FAM118B: variants seen among roughly 807,000 people sequenced by gnomAD.
The protein encoded by FAM118B is SIR2 antiphage like 1.
A neutral mutation model predicts 38.5 loss-of-function variants in FAM118B; 24 were observed. The ratio of observed to expected loss-of-function variants is 0.62; its 90% CI spans 0.45 to 0.88. FAM118B has a LOEUF of 0.88. FAM118B is among the 40% of genes least tolerant of loss of function. The probability of loss-of-function intolerance (pLI) is 0.00; values close to 1 mark genes in which losing one functional copy is unlikely to be tolerated. For missense variants in FAM118B, 334 were observed against 420.0 expected (o/e 0.80, Z 1.79); for synonymous variants, 138 against 156.3 (o/e 0.88, Z 0.87).
Position 126,250,394 on chromosome 11 carries a change from A to T in FAM118B, c.340-112A>T. On this transcript the variant is annotated intron_variant, in intron 4 of 8. Coordinates refer to ENST00000533050, the MANE Select transcript of FAM118B (RefSeq NM_024556.4). The surrounding 1 kb of genome is among the most constrained non-coding windows in gnomAD (Gnocchi z 5.1). ...GCGTGAGCCACTGCGCCTGGCCTTT[A>T]TCTCTGTTTTGAATTCAAAATATTC... The T allele has an allele frequency of 1.4e-6, 1 of 722,510 alleles. No individual in the cohort carries two copies. Among genetic ancestry groups the T allele is most frequent in the Non-Finnish European group, 2.3e-6 (1 of 434,424 alleles). The allele number at this position is 722,510 out of a possible 1,614,324, so 44.8% of individuals were successfully genotyped here.
intron 8 of FAM118B, 31 bp downstream of exon 8, chr11:126,261,515 C>T: frequency 6.4e-7 from 1 of 1,569,182 alleles, no homozygotes; most frequent in Non-Finnish European, 8.8e-7. Flanking sequence ...CTATTTATCA[C>T]TCTGTAGCAG....
At chr11:126,214,818 T>C (rs993430469) in intron 1 of FAM118B, among the ~76,000 whole-genome samples, 2 of 152,208 alleles carry the variant, frequency 1.3e-5, no homozygotes, top group African/African-American at 4.8e-5. Context: ...TTTCCTAGTC[T>C]ATTCAGGAAC....
At chr11:126,214,294 A>G (rs952773162) in intron 1 of FAM118B, 1 of 149,980 alleles carries the variant, frequency 6.7e-6, no homozygotes, top group Non-Finnish European at 1.5e-5. Context: ...CGGAGCTTGC[A>G]GTGAGCCGAG....
chr11:126,248,577 G>T (rs529086779), intron 4 of FAM118B, among the ~76,000 whole-genome samples: 48 of 151,810 alleles, frequency 3.2e-4, no homozygotes, highest in Middle Eastern at 6.8e-3. Flanking sequence ...TCACCATGTT[G>T]GCCAGGATGG....
intron 1 of FAM118B, among the ~76,000 whole-genome samples, chr11:126,227,679 A>G (rs1248409911): frequency 6.6e-6 from 1 of 152,172 alleles, no homozygotes; most frequent in African/African-American, 2.4e-5. Context: ...TTTGGATTCC[A>G]TGCTCACAAT....
chr11:126,221,575 A>G (rs973800878), intron 1 of FAM118B, among the ~76,000 whole-genome samples: 5 of 152,108 alleles, frequency 3.3e-5, no homozygotes, highest in South Asian at 4.1e-4. Context: ...TGAAACTTAC[A>G]TGGCTATCTC....
intron 1 of FAM118B, among the ~76,000 whole-genome samples, chr11:126,215,058 G>A (rs1949961024): frequency 6.6e-6 from 1 of 152,186 alleles, no homozygotes; most frequent in South Asian, 2.1e-4. Context: ...GCAATTAGCA[G>A]GAACTCTTGG....
At chr11:126,259,015 G>A (rs1565341806) in intron 7 of FAM118B, among the ~76,000 whole-genome samples, 1 of 152,196 alleles carries the variant, frequency 6.6e-6, no homozygotes, top group Non-Finnish European at 1.5e-5. Flanking sequence ...CCATCATTAA[G>A]GTGTTCTGTA....
chr11:126,249,678 G>A (rs1950469490), intron 4 of FAM118B, among the ~76,000 whole-genome samples: 1 of 137,564 alleles, frequency 7.3e-6, no homozygotes, highest in Non-Finnish European at 1.5e-5. Context: ...GTTGCAGTGA[G>A]CCGAGATCAC....
chr11:126,246,111 A>T (rs181696981), intron 4 of FAM118B, among the ~76,000 whole-genome samples: 1 of 152,286 alleles, frequency 6.6e-6, no homozygotes, highest in Admixed American at 6.5e-5. Context: ...AACTATTACA[A>T]CTTAATAATA....
In FAM118B at chr11:126,256,463, T is replaced by G; in HGVS notation, c.697-104T>G. The G allele has an allele frequency of 9.6e-7, 1 of 1,039,600 alleles. No individual in the cohort carries two copies. Among genetic ancestry groups the G allele is most frequent in the Non-Finnish European group, 1.4e-6 (1 of 715,252 alleles). The allele number at this position is 1,039,600 out of a possible 1,614,324, so 64.4% of individuals were successfully genotyped here. On this transcript the variant is annotated intron_variant, in intron 6 of 8. Transcript: ENST00000533050. The surrounding 1 kb of genome is among the most constrained non-coding windows in gnomAD (Gnocchi z 6.6). ...ACATACCAACCCACTTAAGTCTTGC[T>G]TAATTGGTCATCACAGTCTGCTCAA...
chr11:126,261,715 G>A (rs995496064), intron 8 of FAM118B, among the ~76,000 whole-genome samples: 1 of 152,164 alleles, frequency 6.6e-6, no homozygotes, highest in African/African-American at 2.4e-5. Flanking sequence ...ACTGCTGGGT[G>A]TGGTGGCTCA....
In FAM118B at chr11:126,244,335, A is replaced by G. The variant is rs898590141; in HGVS notation, c.339+3291A>G. ...GATGTGATGATCTAGTCTATAGAAG[A>G]TCCTAGGTTATCCTCTATTAGAACT... is the stretch of plus-strand genomic sequence containing the variant. On this transcript the variant is annotated intron_variant, in intron 4 of 8. Coordinates refer to ENST00000533050, the MANE Select transcript of FAM118B (RefSeq NM_024556.4). The surrounding 1 kb of genome is among the most constrained non-coding windows in gnomAD (Gnocchi z 4.5). Among the ~76,000 whole-genome samples the G allele has an allele frequency of 2.6e-5, 4 of 152,228 alleles. No homozygotes were observed. Among genetic ancestry groups the G allele is most frequent in the Non-Finnish European group, 5.9e-5 (4 of 68,044 alleles).
At chr11:126,241,218 A>G in intron 4 of FAM118B, 174 bp downstream of exon 4, 1 of 614,722 alleles carries the variant, frequency 1.6e-6, no homozygotes, top group Non-Finnish European at 2.7e-6. Flanking sequence ...TATGGACCCT[A>G]CTCAGGACAG....
intron 4 of FAM118B, among the ~76,000 whole-genome samples, chr11:126,249,184 G>A (rs888911926): frequency 6.6e-6 from 1 of 151,790 alleles, no homozygotes; most frequent in African/African-American, 2.4e-5. Flanking sequence ...AGACCTACCT[G>A]GACAACATAG....
chr11:126,246,425 C>T (rs1950420051), intron 4 of FAM118B, among the ~76,000 whole-genome samples: 1 of 152,072 alleles, frequency 6.6e-6, no homozygotes, highest in Non-Finnish European at 1.5e-5. Flanking sequence ...GCACTGGAAC[C>T]CTGCACAAAT....
At chr11:126,223,027 G>A (rs543633364) in intron 1 of FAM118B, among the ~76,000 whole-genome samples, 1 of 151,780 alleles carries the variant, frequency 6.6e-6, no homozygotes, top group East Asian at 1.9e-4. Flanking sequence ...ATGCCAAGGA[G>A]GAGGGTGTGG....
intron 1 of FAM118B, among the ~76,000 whole-genome samples, chr11:126,218,649 A>T (rs977264076): frequency 8.5e-5 from 13 of 152,290 alleles, no homozygotes; most frequent in African/African-American, 2.9e-4. Flanking sequence ...TGAATGTCTC[A>T]TGATTCTGAC....
intron 2 of FAM118B, among the ~76,000 whole-genome samples, chr11:126,231,927 G>A (rs373734633): frequency 6.0e-4 from 91 of 152,340 alleles, no homozygotes; most frequent in African/African-American, 2.2e-3. Flanking sequence ...GTAGTTGACT[G>A]CCAAGATTGC....
Sources: allele counts gnomAD v4.1 joint callset (sites outside exome capture counted in the v4.1 genomes callset), GRCh38; gene constraint gnomAD v4.1.1; non-coding constraint Gnocchi (gnomAD v3.1); transcripts MANE v1.5; gene names NCBI Gene and HGNC (gene_info 2026-07-23, HGNC 2026-07-21).